The following ARHGEF3 variants were observed in gnomAD, a reference collection of about 807,000 sequenced individuals.
ARHGEF3 encodes Rho guanine nucleotide exchange factor 3.
In ARHGEF3, 28 loss-of-function variants were observed where a neutral mutation model predicts 63.2. That is an observed-to-expected ratio of 0.44 (90% CI 0.33 to 0.61). ARHGEF3 has a LOEUF of 0.61. ARHGEF3 is among the 20% of genes least tolerant of loss of function. The pLI is 0.03. For missense variants in ARHGEF3, 533 were observed against 659.3 expected (o/e 0.81, Z 2.10); for synonymous variants, 266 against 254.2 (o/e 1.05, Z -0.44).
At chr3:57,044,818 T>C (rs1704377698) in intron 1 of ARHGEF3, among the ~76,000 whole-genome samples, 1 of 152,208 alleles carries the variant, frequency 6.6e-6, no homozygotes, top group African/African-American at 2.4e-5. Flanking sequence ...AACCCCTGCC[T>C]GGTTCCAGGA....
intron 1 of ARHGEF3, among the ~76,000 whole-genome samples, chr3:57,068,723 G>C (rs1236396996): frequency 6.6e-6 from 1 of 152,146 alleles, no homozygotes; most frequent in Non-Finnish European, 1.5e-5. Context: ...GACTGGGCAG[G>C]AACTGAAGCG....
intron 3 of ARHGEF3, among the ~76,000 whole-genome samples, chr3:56,946,339 G>A (rs866245610): frequency 1.3e-5 from 2 of 152,082 alleles, no homozygotes; most frequent in African/African-American, 4.8e-5. Context: ...CAAACTAAAG[G>A]AGGAAGTTCA....
At chr3:56,772,431 A>G (rs1477550187) in intron 2 of ARHGEF3, among the ~76,000 whole-genome samples, 2 of 152,208 alleles carry the variant, frequency 1.3e-5, no homozygotes, top group African/African-American at 4.8e-5. Flanking sequence ...TCTGGTCCCC[A>G]GTTTTCTTAA....
At chr3:56,965,441 A>G (rs1021414382) in intron 2 of ARHGEF3, among the ~76,000 whole-genome samples, 1 of 152,146 alleles carries the variant, frequency 6.6e-6, no homozygotes, top group Non-Finnish European at 1.5e-5. Context: ...AGCCCCAGAC[A>G]GTTTAACTAA....
intron 3 of ARHGEF3, among the ~76,000 whole-genome samples, chr3:56,910,856 T>C (rs2041836315): frequency 6.6e-6 from 1 of 152,182 alleles, no homozygotes; most frequent in Admixed American, 6.5e-5. Context: ...TTCACAGATA[T>C]TATCTTATAA....
intron 7 of ARHGEF3, among the ~76,000 whole-genome samples, chr3:56,743,758 TGTCCCAG>T (rs199724939): frequency 0.014 from 2,060 of 152,288 alleles, 57 homozygotes; most frequent in African/African-American, 0.047. Context: ...CTTCTATTAT[TGTCCCAG>T]ATTAAATCAG....
intron 3 of ARHGEF3, among the ~76,000 whole-genome samples, chr3:56,955,795 T>G (rs991637437): frequency 6.6e-6 from 1 of 152,222 alleles, no homozygotes; most frequent in Non-Finnish European, 1.5e-5. Context: ...TTCTTCAATT[T>G]TAATTACCAT....
chr3:57,064,077 G>T (rs1270767076), intron 1 of ARHGEF3, among the ~76,000 whole-genome samples: 1 of 152,078 alleles, frequency 6.6e-6, no homozygotes, highest in East Asian at 1.9e-4. Context: ...GACCAGCCTG[G>T]GCAACATGGC....
At chr3:56,995,277 G>A (rs1302929176) in intron 2 of ARHGEF3, among the ~76,000 whole-genome samples, 1 of 152,072 alleles carries the variant, frequency 6.6e-6, no homozygotes, top group Non-Finnish European at 1.5e-5. Context: ...GGAGTTCAGT[G>A]AAGAGGCATC....
intron 4 of ARHGEF3, among the ~76,000 whole-genome samples, chr3:56,838,335 A>C (rs1325562624): frequency 6.6e-6 from 1 of 152,210 alleles, no homozygotes; most frequent in African/African-American, 2.4e-5. Context: ...TTTTGTACGA[A>C]TCTCTACATA....
intron 3 of ARHGEF3, among the ~76,000 whole-genome samples, chr3:56,950,211 T>G (rs1156815253): frequency 6.6e-6 from 1 of 152,024 alleles, no homozygotes; most frequent in Non-Finnish European, 1.5e-5. Context: ...ATTCAGGACA[T>G]AGGCATGGGC....
intron 4 of ARHGEF3, among the ~76,000 whole-genome samples, chr3:56,873,637 T>C (rs1392218285): frequency 6.6e-6 from 1 of 152,194 alleles, no homozygotes. Context: ...CTGGAACTCC[T>C]GGGCTCAAGC....
intron 3 of ARHGEF3, among the ~76,000 whole-genome samples, chr3:56,902,754 C>T (rs1672110071): frequency 2.0e-5 from 3 of 152,180 alleles, no homozygotes; most frequent in Admixed American, 2.0e-4. Context: ...CAGGTGAGGA[C>T]ATGTGAGCAG....
At chr3:57,028,785 G>A (rs1244689581) in intron 2 of ARHGEF3, among the ~76,000 whole-genome samples, 1 of 151,696 alleles carries the variant, frequency 6.6e-6, no homozygotes, top group African/African-American at 2.4e-5. Flanking sequence ...ACTGGGTTGC[G>A]ACGATGTTTG....
In ARHGEF3 at chr3:56,923,025, A is replaced by AATATATATATAT. The variant is rs72294634; in HGVS notation, c.129+35786_129+35797dup. Among the ~76,000 whole-genome samples the AATATATATATAT allele has an allele frequency of 5.6e-4, 51 of 91,210 alleles. 1 individual carries two copies. The highest frequency in any genetic ancestry group is 9.4e-4 in the East Asian group (3 of 3,204). 59.8% of individuals were successfully genotyped at this position (91,210 alleles called of 152,430 possible). On this transcript the variant is annotated intron_variant, in intron 3 of 12. Coordinates refer to the ARHGEF3 transcript ENST00000338458. ...AAATGGCAAAACCCCATCTCTACTA[A>AATATATATATAT]ATATATATATATATATATATATATA...
chr3:56,775,277 G>A lies in ARHGEF3; in HGVS notation c.97-1461C>T, dbSNP rs187809197. On this transcript the variant is annotated intron_variant, in intron 1 of 9. Transcript: ENST00000296315. ...TTTCGTGAATTTGGAATCCTGCTGA[G>A]ACACTCTCATGTCATTTTATGCCCC... The A allele has an allele frequency of 3.9e-6, 5 of 1,269,934 alleles. No homozygotes were observed. In the African/African-American group the frequency reaches 7.7e-5, roughly 20 times the overall value. 78.7% of individuals were successfully genotyped at this position (1,269,934 alleles called of 1,614,324 possible). A position where few individuals can be genotyped will look rare whatever the true frequency, so the allele number is the denominator to read the frequency against.
chr3:56,906,729 G>C (rs1313582876), intron 3 of ARHGEF3, among the ~76,000 whole-genome samples: 1 of 151,546 alleles, frequency 6.6e-6, no homozygotes, highest in Non-Finnish European at 1.5e-5. Context: ...CCAGCTACTC[G>C]GGAGGCTGAG....
chr3:56,979,924 G>A (rs534624176), intron 2 of ARHGEF3, among the ~76,000 whole-genome samples: 6 of 152,248 alleles, frequency 3.9e-5, no homozygotes, highest in East Asian at 1.9e-4. Context: ...GACTACTGAC[G>A]GTGGTGGTTA....
In ARHGEF3 at chr3:56,776,722, G is replaced by A. The variant is rs141955206; in HGVS notation, c.97-2906C>T. On this transcript the variant is annotated intron_variant, in intron 1 of 9. Transcript: ENST00000296315. ...CTACTGAGAACTAGCAAATGCAATC[G>A]TAGGGATGCTTTCAGGCTTTACAGA... Among the ~76,000 whole-genome samples, 655 of 152,156 alleles carry A rather than the reference G, an allele frequency of 4.3e-3. 6 individuals are homozygous for A. Among genetic ancestry groups the A allele is most frequent in the African/African-American group, 0.015 (630 of 41,508 alleles).
Sources: allele counts gnomAD v4.1 joint callset (sites outside exome capture counted in the v4.1 genomes callset), GRCh38; gene constraint gnomAD v4.1.1; transcripts MANE v1.5; gene names NCBI Gene and HGNC (gene_info 2026-07-23, HGNC 2026-07-21).